Variants in THSD7A observed in about 807,000 individuals in gnomAD.
THSD7A encodes the protein thrombospondin type 1 domain containing 7A.
A neutral mutation model predicts 231.3 loss-of-function variants in THSD7A; 96 were observed. That is an observed-to-expected ratio of 0.41 (90% CI 0.35 to 0.49). THSD7A has a LOEUF of 0.49. Ranked by LOEUF, THSD7A falls within the 20% of genes least tolerant of loss-of-function variation. The probability of loss-of-function intolerance (pLI) is 0.05; values close to 1 mark genes in which losing one functional copy is unlikely to be tolerated. For missense variants in THSD7A, 2,290 were observed against 2,070.2 expected (o/e 1.11, Z -2.06); for synonymous variants, 940 against 743.3 (o/e 1.26, Z -4.30).
chr7:11,502,926 C>G (rs891665788), intron 6 of THSD7A, among the ~76,000 whole-genome samples: 2 of 152,100 alleles, frequency 1.3e-5, no homozygotes, highest in Admixed American at 6.6e-5. Context: ...CCATCAATAA[C>G]ATTCTTGACA....
intron 1 of THSD7A, among the ~76,000 whole-genome samples, chr7:11,785,006 C>T (rs1290204806): frequency 6.6e-6 from 1 of 152,088 alleles, no homozygotes. Context: ...CATCATTACA[C>T]AAGGGCATAG....
intron 1 of THSD7A, among the ~76,000 whole-genome samples, chr7:11,654,045 C>G (rs1782613955): frequency 6.6e-6 from 1 of 151,826 alleles, no homozygotes. Flanking sequence ...TCCAAGTATT[C>G]TGTGTAGGAA....
intron 4 of THSD7A, among the ~76,000 whole-genome samples, chr7:11,582,428 A>G (rs1378694679): frequency 6.6e-6 from 1 of 152,032 alleles, no homozygotes; most frequent in African/African-American, 2.4e-5. Context: ...TTCCTATCCT[A>G]TATTATTTTT....
intron 1 of THSD7A, among the ~76,000 whole-genome samples, chr7:11,676,813 G>A (rs563369233): frequency 6.6e-6 from 1 of 152,068 alleles, no homozygotes; most frequent in Non-Finnish European, 1.5e-5. Context: ...TGAAAGTGAC[G>A]GGGAGAATGG....
chr7:11,506,643 T>G (rs1238898771), intron 6 of THSD7A, among the ~76,000 whole-genome samples: 1 of 152,214 alleles, frequency 6.6e-6, no homozygotes, highest in Non-Finnish European at 1.5e-5. Context: ...TCTACTCTTC[T>G]CATTCTCCCT....
rs530723044 is a variant in THSD7A, at chr7:11,571,681, T to C, written c.1453+18779A>G. Among the ~76,000 whole-genome samples, 5 of 152,336 alleles carry C rather than the reference T, an allele frequency of 3.3e-5. No individual in the cohort carries two copies. In the South Asian group the frequency reaches 1.0e-3, roughly 32 times the overall value. On this transcript the variant is annotated intron_variant, in intron 4 of 27. Transcript: ENST00000423059. ...GTTTGTCATGCTCACTTTTGAAGAC[T>C]ATTTTCACCAAATGTAGTCGTTCAG...
intron 1 of THSD7A, among the ~76,000 whole-genome samples, chr7:11,766,451 A>G (rs1480691683): frequency 6.6e-6 from 1 of 152,154 alleles, no homozygotes; most frequent in Non-Finnish European, 1.5e-5. Flanking sequence ...CGACAAACTC[A>G]CAGGGTATTG....
chr7:11,411,577 T>C lies in THSD7A; in HGVS notation c.3683-255A>G, dbSNP rs565927677. Among the ~76,000 whole-genome samples, 2 of 152,322 alleles carry C rather than the reference T, an allele frequency of 1.3e-5. No homozygotes were observed. The highest frequency in any genetic ancestry group is 6.5e-5 in the Admixed American group (1 of 15,300). On this transcript the variant is annotated intron_variant, in intron 18 of 27. Transcript: ENST00000423059. This position sits in a 1 kb window ranked among gnomAD's most constrained non-coding sequence, Gnocchi z 4.1. ...CTTGAAAATCTTGATAGCTAGCCGT[T>C]TGGTGACACTGTGAAAATGGCTTTG...
At chr7:11,470,390 C>T (rs1562635465) in intron 8 of THSD7A, among the ~76,000 whole-genome samples, 1 of 151,718 alleles carries the variant, frequency 6.6e-6, no homozygotes, top group Non-Finnish European at 1.5e-5. Context: ...TATGACTAGG[C>T]CTTTTGCCTA....
intron 15 of THSD7A, among the ~76,000 whole-genome samples, chr7:11,426,232 T>C (rs7796805): frequency 0.042 from 6,453 of 152,256 alleles, 469 homozygotes; most frequent in African/African-American, 0.15. Context: ...AGAAATGCTC[T>C]TCTTCTTAAT....
At position 11,377,597 on chromosome 7, in the gene THSD7A, G is replaced by C. The variant is rs1198708820; in HGVS notation, c.4802-940C>G. Among the ~76,000 whole-genome samples, 1 of 152,038 alleles carries C rather than the reference G, an allele frequency of 6.6e-6. No homozygotes were observed. The highest frequency in any genetic ancestry group is 1.9e-4 in the East Asian group (1 of 5,202). ...GTTAGATCAAGTTAGAGGTTCATTT[G>C]CTGGGAATAAACTCAATTAATATTC... On this transcript the variant is annotated intron_variant, in intron 26 of 27. Coordinates refer to ENST00000423059, the MANE Select transcript of THSD7A (RefSeq NM_015204.3). This position sits in a 1 kb window ranked among gnomAD's most constrained non-coding sequence, Gnocchi z 4.5.
intron 17 of THSD7A, among the ~76,000 whole-genome samples, chr7:11,413,571 T>C (rs1783860380): frequency 6.6e-6 from 1 of 152,218 alleles, no homozygotes; most frequent in Admixed American, 6.5e-5. Context: ...TAGTTATTCC[T>C]GGGTTTTCGG....
At chr7:11,825,028 T>C (rs567618453) in intron 1 of THSD7A, among the ~76,000 whole-genome samples, 1 of 152,046 alleles carries the variant, frequency 6.6e-6, no homozygotes, top group African/African-American at 2.4e-5. Flanking sequence ...TAATAAAAAA[T>C]ATGTCTATAA....
chr7:11,673,970 T>C (rs1251450708), intron 1 of THSD7A, among the ~76,000 whole-genome samples: 1 of 152,014 alleles, frequency 6.6e-6, no homozygotes, highest in African/African-American at 2.4e-5. Flanking sequence ...GCCACTGCCC[T>C]GTCCAGGGAT....
chr7:11,536,495 TC>T (rs1382827804), intron 6 of THSD7A, among the ~76,000 whole-genome samples: 1 of 152,170 alleles, frequency 6.6e-6, no homozygotes, highest in African/African-American at 2.4e-5. Context: ...CATCTTCTTT[TC>T]TCTGGAATTT....
Position 11,372,459 on chromosome 7 carries a change from A to G in THSD7A, c.*3335T>C, listed in dbSNP as rs1394238624. On this transcript the variant is annotated 3_prime_UTR_variant, in exon 28 of 28. Coordinates refer to ENST00000423059, the MANE Select transcript of THSD7A (RefSeq NM_015204.3). ...AAACAAGCTTTTATGCACTCTTTTTAAATTCACTTAAGCTACACCGTAGTA... is the reference window on the plus strand; with the variant it reads ...AAACAAGCTTTTATGCACTCTTTTTGAATTCACTTAAGCTACACCGTAGTA... The G allele has an allele frequency of 6.6e-6, 1 of 151,822 alleles. No individual in the cohort carries two copies. Among genetic ancestry groups the G allele is most frequent in the African/African-American group, 2.4e-5 (1 of 41,322 alleles). 9.4% of individuals were successfully genotyped at this position (151,822 alleles called of 1,614,324 possible).
intron 2 of THSD7A, among the ~76,000 whole-genome samples, chr7:11,600,802 T>C (rs17637068): frequency 0.07 from 10,625 of 152,286 alleles, 476 homozygotes; most frequent in Non-Finnish European, 0.1. Flanking sequence ...TCAATCTTCT[T>C]AATCCTACTG....
chr7:11,571,502 T>C (rs1415541774), intron 4 of THSD7A, among the ~76,000 whole-genome samples: 1 of 152,190 alleles, frequency 6.6e-6, no homozygotes, highest in Non-Finnish European at 1.5e-5. Flanking sequence ...ATATGGACTA[T>C]TTTAAATTTT....
rs370507988 is a variant in THSD7A at position 11,557,099 on chromosome 7, A to C, written c.1454-13982T>G. On this transcript the variant is annotated intron_variant, in intron 4 of 27. Coordinates refer to ENST00000423059, the MANE Select transcript of THSD7A (RefSeq NM_015204.3). ...CCTCTTCTTCTGGAATTCCAATGAC[A>C]TGAATGTTAGATCTTTTGTTACAGT... Among the ~76,000 whole-genome samples the C allele has an allele frequency of 1.2e-4, 19 of 152,052 alleles. No individual in the cohort carries two copies. In the East Asian group the frequency reaches 3.5e-3, roughly 28 times the overall value.
Sources: allele counts gnomAD v4.1 joint callset (sites outside exome capture counted in the v4.1 genomes callset), GRCh38; gene constraint gnomAD v4.1.1; non-coding constraint Gnocchi (gnomAD v3.1); transcripts MANE v1.5; gene names NCBI Gene and HGNC (gene_info 2026-07-23, HGNC 2026-07-21).